The following FHIT variants were observed in gnomAD, a reference collection of about 807,000 sequenced individuals.
FHIT encodes the protein bis(5'-adenosyl)-triphosphatase.
FHIT carries 19 observed loss-of-function variants against 17.9 expected under a neutral mutation model. That is an observed-to-expected ratio of 1.06 (90% CI 0.74 to 1.56). The LOEUF (loss-of-function observed/expected upper bound fraction) is 1.56. Among genes scored for constraint, FHIT ranks in the 40% most tolerant of loss-of-function variants. FHIT has a pLI of 0.00. For missense variants in FHIT, 248 were observed against 189.2 expected, an observed-to-expected ratio of 1.31 and a Z score of -1.82; for synonymous variants, 81 against 69.7, an observed-to-expected ratio of 1.16 and a Z score of -0.81.
rs777202550 is a variant in FHIT at position 59,752,263 on chromosome 3, G to T, written c.407C>A (p.Ala136Glu). The change falls in exon 9 of 10, where the codon GCA becomes GAA. Residue 136 changes from alanine (A) to glutamate (E), a missense_variant. By Grantham distance (107) the Ala-to-Glu change is moderately radical. Transcript: ENST00000492590. Reference sequence around the variant, plus strand: ...GACCCGCAGAGCTGCGGCTTCTGCTGCCATTTCCTCCTCTGATCTCCAAGA... The same window carrying T: ...GACCCGCAGAGCTGCGGCTTCTGCTTCCATTTCCTCCTCTGATCTCCAAGA... ...PASWRSEEEM[A>E]AEAAALRVYF... The T allele has an allele frequency of 6.2e-7, 1 of 1,613,184 alleles. No individual in the cohort carries two copies. The highest frequency in any genetic ancestry group is 1.7e-5 in the Admixed American group (1 of 59,976).
chr3:60,948,834 T>A (rs76393293), intron 3 of FHIT, among the ~76,000 whole-genome samples: 6 of 152,102 alleles, frequency 3.9e-5, no homozygotes, highest in African/African-American at 1.4e-4. Context: ...AGCTGCAACC[T>A]GAAAACCACT....
intron 1 of FHIT, among the ~76,000 whole-genome samples, chr3:61,212,906 A>G (rs1260457004): frequency 6.6e-6 from 1 of 152,220 alleles, no homozygotes; most frequent in East Asian, 1.9e-4. Context: ...AGCCAAACTA[A>G]GCTTCATAAG....
intron 5 of FHIT, among the ~76,000 whole-genome samples, chr3:60,205,093 CAA>C (rs201539340): frequency 7.6e-4 from 80 of 105,064 alleles, no homozygotes; most frequent in Non-Finnish European, 7.1e-4. Context: ...GACCCTGCCT[CAA>C]AAAAAAAAAA....
At chr3:60,846,718 A>C (rs2106890819) in intron 3 of FHIT, among the ~76,000 whole-genome samples, 1 of 152,278 alleles carries the variant, frequency 6.6e-6, no homozygotes, top group Non-Finnish European at 1.5e-5. Flanking sequence ...AAAGCTGTAA[A>C]CCCTCCAACA....
intron 2 of FHIT, among the ~76,000 whole-genome samples, chr3:61,064,231 A>AAT (rs2034527243): frequency 6.6e-6 from 1 of 151,438 alleles, no homozygotes; most frequent in Non-Finnish European, 1.5e-5. Flanking sequence ...CTGAAATGGA[A>AAT]AGAGAGAGAG....
At chr3:60,036,987 T>C (rs1018318898) in intron 5 of FHIT, among the ~76,000 whole-genome samples, 1 of 152,192 alleles carries the variant, frequency 6.6e-6, no homozygotes, top group Non-Finnish European at 1.5e-5. Context: ...TGAAAGGAGA[T>C]TGACTTCCAA....
chr3:61,109,972 C>T (rs2036106588), intron 2 of FHIT, among the ~76,000 whole-genome samples: 1 of 152,172 alleles, frequency 6.6e-6, no homozygotes, highest in Non-Finnish European at 1.5e-5. Context: ...CCTCCAAAAT[C>T]AAGCCACCAC....
At chr3:60,926,817 T>C (rs1707644518) in intron 3 of FHIT, among the ~76,000 whole-genome samples, 2 of 151,880 alleles carry the variant, frequency 1.3e-5, no homozygotes, top group Admixed American at 1.3e-4. Flanking sequence ...GCAAGACTAA[T>C]AAAGAAGAAG....
intron 4 of FHIT, among the ~76,000 whole-genome samples, chr3:60,789,175 T>TAG (rs59757824): frequency 0.042 from 4,338 of 102,476 alleles, 85 homozygotes; most frequent in East Asian, 0.061. Context: ...TATATATATA[T>TAG]AGAGAGAGAG....
At chr3:60,789,175 T>TAGAGAGAGAG (rs59757824) in intron 4 of FHIT, among the ~76,000 whole-genome samples, 68 of 102,686 alleles carry the variant, frequency 6.6e-4, no homozygotes, top group African/African-American at 2.2e-3. Flanking sequence ...TATATATATA[T>TAGAGAGAGAG]AGAGAGAGAG....
intron 5 of FHIT, among the ~76,000 whole-genome samples, chr3:60,020,755 G>C (rs534264259): frequency 3.9e-5 from 6 of 152,110 alleles, no homozygotes; most frequent in Non-Finnish European, 8.8e-5. Flanking sequence ...AACAATAGCA[G>C]GATGGACTGT....
chr3:61,206,510 G>C (rs2039238124), intron 1 of FHIT, among the ~76,000 whole-genome samples: 2 of 152,244 alleles, frequency 1.3e-5, no homozygotes, highest in South Asian at 2.1e-4. Context: ...GTGGTTTGTA[G>C]TTCTCCTTGA....
intron 5 of FHIT, among the ~76,000 whole-genome samples, chr3:60,261,657 G>T (rs573085538): frequency 3.3e-5 from 5 of 152,104 alleles, no homozygotes; most frequent in African/African-American, 1.2e-4. Flanking sequence ...GCTTGACTTT[G>T]TAAACGTGCC....
intron 4 of FHIT, among the ~76,000 whole-genome samples, chr3:60,722,731 T>C (rs1316631484): frequency 2.0e-5 from 3 of 147,562 alleles, no homozygotes; most frequent in African/African-American, 5.0e-5. Flanking sequence ...TTTTTTTTTT[T>C]AGATGGAGTC....
chr3:60,323,950 T>C (rs375545960), intron 5 of FHIT, among the ~76,000 whole-genome samples: 5 of 150,946 alleles, frequency 3.3e-5, no homozygotes, highest in Admixed American at 2.0e-4. Flanking sequence ...TGAAAGGGAA[T>C]AACTTCCCAA....
At chr3:60,683,209 C>T (rs1042878875) in intron 4 of FHIT, among the ~76,000 whole-genome samples, 2 of 152,102 alleles carry the variant, frequency 1.3e-5, no homozygotes, top group Admixed American at 6.5e-5. Flanking sequence ...ATTACATAAA[C>T]TTAGTTGATA....
intron 2 of FHIT, chr3:61,167,119 T>A (rs2037861675): frequency 6.6e-6 from 1 of 151,940 alleles, no homozygotes; most frequent in African/African-American, 2.4e-5. Context: ...GAAATATGAG[T>A]TGACAGAATG....
intron 3 of FHIT, among the ~76,000 whole-genome samples, chr3:60,931,051 C>T (rs1553771618): frequency 6.6e-6 from 1 of 152,156 alleles, no homozygotes; most frequent in Non-Finnish European, 1.5e-5. Flanking sequence ...TTGATGAGTT[C>T]ATGTCCTTTG....
intron 4 of FHIT, among the ~76,000 whole-genome samples, chr3:60,625,784 T>A (rs76211932): frequency 1.3e-5 from 2 of 152,172 alleles, no homozygotes; most frequent in African/African-American, 4.8e-5. Context: ...TTTTTCCATA[T>A]GTTGTTAAGA....
Sources: allele counts gnomAD v4.1 joint callset (sites outside exome capture counted in the v4.1 genomes callset), GRCh38; gene constraint gnomAD v4.1.1; transcripts MANE v1.5; gene names NCBI Gene and HGNC (gene_info 2026-07-23, HGNC 2026-07-21).